Variants in MCPH1 observed in about 807,000 individuals in gnomAD.
MCPH1 encodes the protein microcephalin 1.
In MCPH1, 104 loss-of-function variants were observed where a neutral mutation model predicts 84.5. The observed-to-expected ratio is 1.23, with a 90% CI of 1.05 to 1.45. The LOEUF is 1.45. Ranked by LOEUF, MCPH1 falls within the 40% of genes most tolerant of loss-of-function variation. The pLI is 0.00. For synonymous variants in MCPH1, 514 were observed against 366.8 expected, an observed-to-expected ratio of 1.40 and a Z score of -4.58; for missense variants, 1,498 against 1,005.7, an observed-to-expected ratio of 1.49 and a Z score of -6.62.
chr8:6,626,020 T>G, intron 13 of MCPH1: 2 of 985,370 alleles, frequency 2.0e-6, no homozygotes, highest in Non-Finnish European at 2.4e-6. Flanking sequence ...CCCCTGGGAC[T>G]GCAGCATCCG....
chr8:6,527,570 A>G (rs1393374956), intron 12 of MCPH1: 1 of 1,613,800 alleles, frequency 6.2e-7, no homozygotes, highest in Non-Finnish European at 8.5e-7. Context: ...CTTATCTTGC[A>G]ATTTGTTTAT....
intron 8 of MCPH1, among the ~76,000 whole-genome samples, chr8:6,449,597 C>T (rs1027983903): frequency 1.3e-5 from 2 of 151,712 alleles, no homozygotes; most frequent in Admixed American, 1.3e-4. Context: ...CATGCCACTG[C>T]ACTCCATCCT....
rs76186638 is a variant in MCPH1 at position 6,432,856 on chromosome 8, A to G, written c.321+1270A>G. ...TGTGACATGCTAAAATCAAGTGTTT[A>G]TTGTAAAAACACATCAGTAGTACAT... is the stretch of plus-strand genomic sequence containing the variant. On this transcript the variant is annotated intron_variant, in intron 4 of 13. Transcript: ENST00000344683. Among the ~76,000 whole-genome samples the G allele has an allele frequency of 4.4e-3, 672 of 152,374 alleles. 7 individuals are homozygous for G. Among genetic ancestry groups the G allele is most frequent in the African/African-American group, 0.016 (646 of 41,584 alleles).
chr8:6,470,438 C>G (rs73518745), intron 9 of MCPH1, among the ~76,000 whole-genome samples: 4,690 of 152,230 alleles, frequency 0.031, 237 homozygotes, highest in African/African-American at 0.11. Flanking sequence ...TTTCCTGCCA[C>G]CACACCCAGC....
chr8:6,513,915 G>T, intron 12 of MCPH1: 1 of 1,366,046 alleles, frequency 7.3e-7, no homozygotes, highest in Non-Finnish European at 1.0e-6. Context: ...TGGATAGTCC[G>T]TCAACTTAAC....
Position 6,410,005 on chromosome 8 carries a change from C to G in MCPH1, c.114+635C>G, listed in dbSNP as rs374777315. On this transcript the variant is annotated intron_variant, in intron 2 of 13. Transcript: ENST00000344683. ...TTTTTTTTTGAGACGGAGTCTCGCT[C>G]TGTCGCTAGGCTGGAGTGCAGTGAC... is the stretch of plus-strand genomic sequence containing the variant. 6.9e-4 allele frequency among the ~76,000 whole-genome samples: 104 copies of G among 151,506 alleles called. 1 individual carries two copies. Among genetic ancestry groups the G allele is most frequent in the African/African-American group, 2.5e-3 (102 of 41,008 alleles).
At chr8:6,525,913 C>A (rs182694228) in intron 12 of MCPH1, among the ~76,000 whole-genome samples, 3 of 152,150 alleles carry the variant, frequency 2.0e-5, no homozygotes, top group Admixed American at 2.0e-4. Context: ...ATAATTGACC[C>A]AAATTGGTAG....
At chr8:6,596,130 A>G (rs893514938) in intron 12 of MCPH1, among the ~76,000 whole-genome samples, 1 of 152,156 alleles carries the variant, frequency 6.6e-6, no homozygotes, top group African/African-American at 2.4e-5. Flanking sequence ...AGCATGCTGA[A>G]CACCGTAAGC....
At chr8:6,521,214 C>T in intron 12 of MCPH1, 2 of 1,613,860 alleles carry the variant, frequency 1.2e-6, no homozygotes, top group African/African-American at 1.3e-5. Context: ...AAGTTATTAA[C>T]TGTCTCCATG....
intron 12 of MCPH1, chr8:6,502,995 G>T: frequency 7.4e-7 from 1 of 1,354,566 alleles, no homozygotes; most frequent in Non-Finnish European, 1.0e-6. Context: ...CCGAGCACAC[G>T]CCCTCTGTGG....
At chr8:6,579,902 C>T (rs1360355351) in intron 12 of MCPH1, among the ~76,000 whole-genome samples, 3 of 152,178 alleles carry the variant, frequency 2.0e-5, no homozygotes, top group Non-Finnish European at 4.4e-5. Flanking sequence ...ACAGAACTGG[C>T]CTGGCGAGGT....
intron 12 of MCPH1, among the ~76,000 whole-genome samples, chr8:6,556,670 A>G (rs1824666933): frequency 6.6e-6 from 1 of 151,784 alleles, no homozygotes; most frequent in African/African-American, 2.4e-5. Context: ...CTGGAGCGCA[A>G]TGGCACCATC....
chr8:6,422,478 C>A (rs1030588116), intron 3 of MCPH1, among the ~76,000 whole-genome samples: 1 of 152,124 alleles, frequency 6.6e-6, no homozygotes, highest in Non-Finnish European at 1.5e-5. Context: ...CCTAATAGGG[C>A]CTCTCAGCTA....
rs564739055 is a variant in MCPH1, at chr8:6,427,582, G to A, written c.234-3917G>A. 6.6e-5 allele frequency among the ~76,000 whole-genome samples: 10 copies of A among 151,844 alleles called. No individual in the cohort carries two copies. The East Asian group carries it at 9.7e-4, about 15-fold the overall frequency. On this transcript the variant is annotated intron_variant, in intron 3 of 13. Coordinates refer to ENST00000344683, the MANE Select transcript of MCPH1 (RefSeq NM_024596.5). ...TTTGTAGAGACGGCATTCTTGCTACGTTGCCCCCACTAGTCTCCAACTCCT... is the reference window on the plus strand; with the variant it reads ...TTTGTAGAGACGGCATTCTTGCTACATTGCCCCCACTAGTCTCCAACTCCT...
At chr8:6,473,712 AC>A (rs1808065680) in intron 9 of MCPH1, 2 of 413,862 alleles carry the variant, frequency 4.8e-6, no homozygotes, top group Non-Finnish European at 8.4e-6. Context: ...ATAGGCATAA[AC>A]CTTTATACTA....
At chr8:6,548,625 G>T (rs75551648) in intron 12 of MCPH1, among the ~76,000 whole-genome samples, 3,147 of 152,274 alleles carry the variant, frequency 0.021, 108 homozygotes, top group African/African-American at 0.073. Context: ...TGTAATGATG[G>T]CCGTAAGTCA....
chr8:6,500,117 A>G, intron 12 of MCPH1, 188 bp downstream of exon 12: 1 of 606,312 alleles, frequency 1.6e-6, no homozygotes, highest in South Asian at 1.9e-5. Flanking sequence ...ACGTGAGACC[A>G]TTGTGCAAAA....
At chr8:6,624,442 C>T (rs1003481887) in intron 13 of MCPH1, among the ~76,000 whole-genome samples, 3 of 152,182 alleles carry the variant, frequency 2.0e-5, no homozygotes, top group Middle Eastern at 3.2e-3. Flanking sequence ...GTGTAGTGGG[C>T]ATCTCCAGTG....
At chr8:6,480,085 T>C (rs897512456) in intron 10 of MCPH1, among the ~76,000 whole-genome samples, 7 of 151,978 alleles carry the variant, frequency 4.6e-5, no homozygotes, top group Non-Finnish European at 7.4e-5. Flanking sequence ...AGTGTTGGTC[T>C]GATGTCAGGG....
Sources: gnomAD v4.1 joint callset for allele counts (sites outside exome capture counted in the v4.1 genomes callset) on GRCh38, gnomAD v4.1.1 for gene constraint, MANE v1.5 for transcripts, NCBI Gene and HGNC (gene_info 2026-07-23, HGNC 2026-07-21) for gene names.